Variants in NTPCR observed in about 807,000 individuals in gnomAD.
The protein encoded by NTPCR is nucleoside-triphosphatase, cancer-related.
NTPCR carries 15 observed loss-of-function variants against 19.5 expected under a neutral mutation model. The ratio of observed to expected loss-of-function variants is 0.77; its 90% CI spans 0.51 to 1.18. The LOEUF (loss-of-function observed/expected upper bound fraction) is 1.18, where lower values mean the gene tolerates loss of function less well. NTPCR is among the 50% of genes most tolerant of loss of function. The probability of loss-of-function intolerance (pLI) is 0.00; values close to 1 mark genes in which losing one functional copy is unlikely to be tolerated. For synonymous variants in NTPCR, 90 were observed against 95.8 expected (o/e 0.94, Z 0.36); for missense variants, 206 against 240.4 (o/e 0.86, Z 0.95).
At chr1:232,957,322 C>T (rs115629331) in intron 3 of NTPCR, among the ~76,000 whole-genome samples, 7,210 of 152,182 alleles carry the variant, frequency 0.047, 206 homozygotes, top group Middle Eastern at 0.13. Flanking sequence ...GCCATGTGGG[C>T]TAGGTTTTTC....
intron 1 of NTPCR, 114 bp downstream of exon 1, chr1:232,950,858 A>C (rs933720554): frequency 2.1e-5 from 14 of 659,492 alleles, no homozygotes; most frequent in African/African-American, 1.5e-4. Flanking sequence ...CGGCCTCTGA[A>C]GTTCCCAATT....
Position 232,969,978 on chromosome 1 carries a change from A to T in NTPCR, c.364A>T (p.Ser122Cys). 17 of 1,614,098 alleles carry T rather than the reference A, an allele frequency of 1.1e-5. No individual in the cohort carries two copies. Among genetic ancestry groups the T allele is most frequent in the Non-Finnish European group, 1.4e-5 (17 of 1,179,994 alleles). ...TGAGATTGGGAAGATGGAGCTCTTCAGTCAGCTTTTCATTCAAGCTGTTCG... is the reference window on the plus strand; with the variant it reads ...TGAGATTGGGAAGATGGAGCTCTTCTGTCAGCTTTTCATTCAAGCTGTTCG... ...IDEIGKMELF[S>C]QLFIQAVRQT... The change falls in exon 4 of 5, where the codon AGT becomes TGT. Residue 122 changes from serine to cysteine, a missense_variant. Transcript: ENST00000366628.
chr1:232,959,182 T>TG (rs1417595094), intron 3 of NTPCR, among the ~76,000 whole-genome samples: 1 of 152,100 alleles, frequency 6.6e-6, no homozygotes, highest in Non-Finnish European at 1.5e-5. Flanking sequence ...GATTGGATCA[T>TG]GGGGGTGGTT....
intron 3 of NTPCR, chr1:232,965,066 AT>A (rs2102748549): frequency 6.6e-6 from 1 of 152,304 alleles, no homozygotes; most frequent in South Asian, 2.1e-4. Flanking sequence ...TGATGAAATA[AT>A]TTTGGTGATA....
At chr1:232,969,252 G>A (rs2102753016) in intron 3 of NTPCR, 1 of 153,046 alleles carries the variant, frequency 6.5e-6, no homozygotes, top group East Asian at 1.9e-4. Context: ...TATCCTCACA[G>A]CATAGCACTT....
chr1:232,959,596 T>G lies in NTPCR; in HGVS notation c.294+3153T>G, dbSNP rs531388242. Among the ~76,000 whole-genome samples, 3 of 152,268 alleles carry G rather than the reference T, an allele frequency of 2.0e-5. No homozygotes were observed. In the East Asian group the frequency reaches 5.8e-4, roughly 29 times the overall value. ...AAAATGAAAAGAATATTAATTAAAA[T>G]AATTAGGCAACAAAACTGGGGAGTA... On this transcript the variant is annotated intron_variant, in intron 3 of 4. Transcript: ENST00000366628.
intron 4 of NTPCR, among the ~76,000 whole-genome samples, chr1:232,976,004 A>G (rs1453390918): frequency 6.6e-6 from 1 of 152,220 alleles, no homozygotes; most frequent in East Asian, 1.9e-4. Flanking sequence ...TCAACAGGGA[A>G]TATCATAAGT....
At position 232,983,050 on chromosome 1, in the gene NTPCR, A is replaced by G. The variant is rs1669322591; in HGVS notation, c.*4819A>G. 1 of 152,112 alleles carries G rather than the reference A, an allele frequency of 6.6e-6. No homozygotes were observed. Among genetic ancestry groups the G allele is most frequent in the African/African-American group, 2.4e-5 (1 of 41,412 alleles). The allele number at this position is 152,112 out of a possible 1,614,324, so 9.4% of individuals were successfully genotyped here. ...ATTATAGAGTACACTTGCTTTTATT[A>G]ATTGCTGATTCTTAGTTTACAAAAA... On this transcript the variant is annotated 3_prime_UTR_variant, in exon 5 of 5. Coordinates refer to ENST00000366628, the MANE Select transcript of NTPCR (RefSeq NM_032324.3).
intron 3 of NTPCR, among the ~76,000 whole-genome samples, chr1:232,959,512 T>A (rs982841945): frequency 1.3e-5 from 2 of 152,176 alleles, no homozygotes; most frequent in African/African-American, 4.8e-5. Context: ...CCATCATACA[T>A]ATTTTATGGG....
chr1:232,970,083 G>T lies in NTPCR; in HGVS notation c.469G>T (p.Glu157Ter). 1.9e-6 allele frequency: 3 copies of T among 1,614,098 alleles called. No homozygotes were observed. The highest frequency in any genetic ancestry group is 1.7e-6 in the Non-Finnish European group (2 of 1,180,006). ...AGGAAAGCCACTGGCTCTTGTAGAA[G>T]AAATCAGAAACAGAAAGGATGTGAA... is the stretch of plus-strand genomic sequence containing the variant. ...PKGKPLALVE[E>*]IRNRKDVKVF... The change falls in exon 4 of 5, where the codon GAA (glutamate) becomes TAA (stop). Residue 157 changes from glutamate to a stop codon, truncating the protein, a stop_gained. Coordinates refer to ENST00000366628, the MANE Select transcript of NTPCR (RefSeq NM_032324.3). LOFTEE classifies it high-confidence loss of function.
chr1:232,975,299 TTTAAATAAGAAG>T (rs1669095426), intron 4 of NTPCR, among the ~76,000 whole-genome samples: 1 of 152,158 alleles, frequency 6.6e-6, no homozygotes, highest in Non-Finnish European at 1.5e-5. Context: ...TTCTTGATTG[TTTAAATAAGAAG>T]TTGAGGTGGT....
chr1:232,967,916 C>G (rs1164288181), intron 3 of NTPCR: 1 of 152,166 alleles, frequency 6.6e-6, no homozygotes, highest in Non-Finnish European at 1.5e-5. Flanking sequence ...CCTTCTTGTA[C>G]AGTTGTCTGT....
intron 1 of NTPCR, among the ~76,000 whole-genome samples, chr1:232,953,963 G>A (rs968854712): frequency 6.6e-6 from 1 of 152,098 alleles, no homozygotes; most frequent in African/African-American, 2.4e-5. Context: ...TCAGTGTTTT[G>A]CTATTATAAA....
chr1:232,972,237 TG>T (rs1377045598), intron 4 of NTPCR, among the ~76,000 whole-genome samples: 14 of 152,084 alleles, frequency 9.2e-5, no homozygotes, highest in Non-Finnish European at 8.8e-5. Context: ...TGACATACCC[TG>T]TTTTTTTTTG....
chr1:232,959,783 AT>A (rs1668616811), intron 3 of NTPCR, among the ~76,000 whole-genome samples: 1 of 152,090 alleles, frequency 6.6e-6, no homozygotes, highest in Admixed American at 6.6e-5. Context: ...AAATTTCAAT[AT>A]GTATGAGTGA....
chr1:232,977,784 C>G (rs1017192148), intron 4 of NTPCR, among the ~76,000 whole-genome samples: 2 of 152,172 alleles, frequency 1.3e-5, no homozygotes, highest in Admixed American at 6.5e-5. Flanking sequence ...CTCCCAGGCT[C>G]TCCTCCTCGC....
At chr1:232,952,661 C>A (rs1022598656) in intron 1 of NTPCR, among the ~76,000 whole-genome samples, 1 of 150,126 alleles carries the variant, frequency 6.7e-6, no homozygotes, top group African/African-American at 2.5e-5. Context: ...CAGGCATGCA[C>A]CACCATGCCC....
At chr1:232,976,767 G>C (rs1038817827) in intron 4 of NTPCR, 2 of 454,292 alleles carry the variant, frequency 4.4e-6, no homozygotes, top group East Asian at 8.1e-5. Context: ...GTAGAAATGG[G>C]ATCACGGGAT....
intron 3 of NTPCR, chr1:232,967,181 A>G (rs1668844833): frequency 6.6e-6 from 1 of 152,136 alleles, no homozygotes; most frequent in African/African-American, 2.4e-5. Context: ...TTCCCTCTAA[A>G]GTTGCTTGAA....
Sources: allele counts gnomAD v4.1 joint callset (sites outside exome capture counted in the v4.1 genomes callset), GRCh38; gene constraint gnomAD v4.1.1; transcripts MANE v1.5; gene names NCBI Gene and HGNC (gene_info 2026-07-23, HGNC 2026-07-21).